Variants in ADAMTS8 observed in about 807,000 individuals in gnomAD.
ADAMTS8 encodes the protein A disintegrin and metalloproteinase with thrombospondin motifs 8.
Under a neutral mutation model 64.4 loss-of-function variants are expected in ADAMTS8, and 50 were observed. The observed-to-expected ratio is 0.78, with a 90% CI of 0.62 to 0.98. The LOEUF (loss-of-function observed/expected upper bound fraction) is 0.98, where lower values mean the gene tolerates loss of function less well. Ranked by LOEUF, ADAMTS8 falls within the 50% of genes least tolerant of loss-of-function variation. The pLI is 0.00. For synonymous variants in ADAMTS8, 556 were observed against 533.6 expected, an observed-to-expected ratio of 1.04 and a Z score of -0.58; for missense variants, 1,192 against 1,208.2, an observed-to-expected ratio of 0.99 and a Z score of 0.20.
In ADAMTS8 at chr11:130,408,480, A is replaced by G. The variant is rs748918566; in HGVS notation, c.2083T>C (p.Ser695Pro). The change falls in exon 8 of 9, where the codon TCC becomes CCC. Residue 695 changes from serine (S) to proline (P), a missense_variant. Ser to Pro is a moderately conservative substitution (Grantham distance 74, BLOSUM62 -1). This residue lies in a region of ADAMTS8 where 290 missense variants were observed against 297.8 expected (regional missense o/e 0.97). Transcript: ENST00000257359. The stretch of plus-strand genomic sequence containing the variant: ...GAGACTCACTTGGTGGGGGTGAGGG[A>G]CCCGGAGACCTTCCTGCAGGAGTTG... Reference protein sequence around the residue: ...KGNSCRKVSGSLTPTNYGYND... With the variant: ...KGNSCRKVSGPLTPTNYGYND... 1.2e-6 allele frequency: 2 copies of G among 1,613,662 alleles called. No homozygotes were observed. The highest frequency in any genetic ancestry group is 2.2e-5 in the South Asian group (2 of 91,050).
At chr11:130,422,288 T>A (rs1354941163) in intron 1 of ADAMTS8, among the ~76,000 whole-genome samples, 1 of 151,850 alleles carries the variant, frequency 6.6e-6, no homozygotes, top group East Asian at 1.9e-4. Flanking sequence ...TAAAAAAAAA[T>A]AACAACACCC....
At chr11:130,415,338 C>G (rs944666916) in intron 4 of ADAMTS8, among the ~76,000 whole-genome samples, 2 of 152,128 alleles carry the variant, frequency 1.3e-5, no homozygotes, top group Admixed American at 1.3e-4. Context: ...AAGTCTAGCT[C>G]TGTTGCCCAG....
At chr11:130,414,157 T>C (rs1240958276) in intron 5 of ADAMTS8, among the ~76,000 whole-genome samples, 2 of 147,576 alleles carry the variant, frequency 1.4e-5, no homozygotes, top group Non-Finnish European at 3.0e-5. Flanking sequence ...AGGGTCTCCC[T>C]CTGTTGCCCA....
At chr11:130,421,452 T>G (rs190985014) in intron 1 of ADAMTS8, among the ~76,000 whole-genome samples, 1 of 152,220 alleles carries the variant, frequency 6.6e-6, no homozygotes, top group Non-Finnish European at 1.5e-5. Context: ...CCATTTAGCT[T>G]CGAGGGGTGG....
chr11:130,428,591 C>G lies in ADAMTS8; in HGVS notation c.-305G>C. On this transcript the variant is annotated 5_prime_UTR_variant, in exon 1 of 9. Transcript: ENST00000257359. ...CCCGCGCAGCCGCCTCCTGCCTCCT[C>G]CCCACCCCGGGAAGCACCGAGTGGG... The G allele has an allele frequency of 3.3e-6, 1 of 299,274 alleles. No homozygotes were observed. 18.5% of individuals were successfully genotyped at this position (299,274 alleles called of 1,614,324 possible).
chr11:130,414,642 C>G lies in ADAMTS8; in HGVS notation c.1455G>C (p.Leu485=). 2 of 1,613,746 alleles carry G rather than the reference C, an allele frequency of 1.2e-6. No homozygotes were observed. The change falls in exon 5 of 9, where the codon CTG becomes CTC. Residue 485 remains leucine (L), a synonymous_variant. Transcript: ENST00000257359. The part of the protein sequence containing the change: ...LWCHTDGAEP[L]CHTKNGSLPW... ...GCAGGCTGCCATTCTTCGTGTGGCA[C>G]AGGGGCTCAGCCCCATCAGTGTGGC...
intron 7 of ADAMTS8, 43 bp downstream of exon 7, chr11:130,408,725 C>T (rs1367548284): frequency 2.5e-6 from 4 of 1,612,538 alleles, no homozygotes; most frequent in Non-Finnish European, 3.4e-6. Context: ...GACAGGCGAC[C>T]TTCCTCCCCA....
Position 130,427,696 on chromosome 11 carries a change from G to A in ADAMTS8, c.591C>T (p.Gly197=). 2 of 1,595,254 alleles carry A rather than the reference G, an allele frequency of 1.3e-6. No homozygotes were observed. The highest frequency in any genetic ancestry group is 1.3e-5 in the African/African-American group (1 of 74,562). The change falls in exon 1 of 9, where the codon GGC becomes GGT. Residue 197 remains glycine, a synonymous_variant. Coordinates refer to ENST00000257359, the MANE Select transcript of ADAMTS8 (RefSeq NM_007037.6). ...CCAGGGGCGGTGGCGGCTCGCTAGCGCCTTCTGCCTCCTCTTCTTGGCTCT... is the reference window on the plus strand; with the variant it reads ...CCAGGGGCGGTGGCGGCTCGCTAGCACCTTCTGCCTCCTCTTCTTGGCTCT... The part of the protein sequence containing the change: ...EEESQEEEAE[G]ASEPPPPLGA...
At chr11:130,423,672 TTTCGG>T (rs1862127854) in intron 1 of ADAMTS8, among the ~76,000 whole-genome samples, 1 of 152,180 alleles carries the variant, frequency 6.6e-6, no homozygotes, top group South Asian at 2.1e-4. Flanking sequence ...GAGCGCCACT[TTTCGG>T]ACCCTCTCTG....
At position 130,428,351 on chromosome 11, in the gene ADAMTS8, G is replaced by A. The variant is rs2134697541; in HGVS notation, c.-65C>T. The A allele has an allele frequency of 1.6e-6, 2 of 1,246,072 alleles. No individual in the cohort carries two copies. Among genetic ancestry groups the A allele is most frequent in the Non-Finnish European group, 1.0e-6 (1 of 983,336 alleles). The allele number at this position is 1,246,072 out of a possible 1,614,324, so 77.2% of individuals were successfully genotyped here. A position where few individuals can be genotyped will look rare whatever the true frequency, so the allele number is the denominator to read the frequency against. On this transcript the variant is annotated 5_prime_UTR_variant, in exon 1 of 9. Coordinates refer to ENST00000257359, the MANE Select transcript of ADAMTS8 (RefSeq NM_007037.6). ...GCCCGCCAGGCGCGGGCAGGTGCTGGCGGCCCGAGCGCGGCCCGGCCGCTC... is the reference window on the plus strand; with the variant it reads ...GCCCGCCAGGCGCGGGCAGGTGCTGACGGCCCGAGCGCGGCCCGGCCGCTC...
intron 1 of ADAMTS8, among the ~76,000 whole-genome samples, chr11:130,420,768 C>G (rs1361123702): frequency 6.6e-6 from 1 of 152,164 alleles, no homozygotes; most frequent in African/African-American, 2.4e-5. Flanking sequence ...AATGTTTAGG[C>G]TGATGTAAAC....
intron 1 of ADAMTS8, among the ~76,000 whole-genome samples, chr11:130,419,779 C>T (rs1448326551): frequency 6.6e-6 from 1 of 152,200 alleles, no homozygotes; most frequent in Non-Finnish European, 1.5e-5. Flanking sequence ...CCACCCGTCC[C>T]CGGCCTCAGC....
At position 130,405,597 on chromosome 11, in the gene ADAMTS8, C is replaced by T. The variant is rs376567515; in HGVS notation, c.2631G>A (p.Glu877=). The change falls in exon 9 of 9, where the codon GAG becomes GAA. Residue 877 remains glutamate, a synonymous_variant. Transcript: ENST00000257359. ...GCTGGCTTTCGCAGGGCTTGGCATC[C>T]TCGGGTTTCAGAGCCTTGTTGCAGG... ...SATCNKALKP[E]DAKPCESQLC... is the part of the protein sequence containing the mutation. 12 of 1,610,614 alleles carry T rather than the reference C, an allele frequency of 7.5e-6. No homozygotes were observed. The highest frequency in any genetic ancestry group is 4.4e-5 in the South Asian group (4 of 90,966).
rs1177631558 is a variant in ADAMTS8 at position 130,414,585 on chromosome 11, C to A, written c.1512G>T (p.Gly504=). 8 of 1,612,856 alleles carry A rather than the reference C, an allele frequency of 5.0e-6. No homozygotes were observed. Among genetic ancestry groups the A allele is most frequent in the Non-Finnish European group, 6.8e-6 (8 of 1,179,616 alleles). ...PWADGTPCGP[G]HLCSEGSCLP... is the part of the protein sequence containing the mutation. ...GACAGCTGCCTTCTGAGCAGAGGTGCCCAGGCCCGCACGGCGTGCCGTCAG... is the reference window on the plus strand; with the variant it reads ...GACAGCTGCCTTCTGAGCAGAGGTGACCAGGCCCGCACGGCGTGCCGTCAG... The change falls in exon 5 of 9, where the codon GGG becomes GGT. Residue 504 remains glycine, a synonymous_variant. Coordinates refer to ENST00000257359, the MANE Select transcript of ADAMTS8 (RefSeq NM_007037.6).
At chr11:130,406,816 G>C (rs1224126008) in intron 8 of ADAMTS8, among the ~76,000 whole-genome samples, 1 of 152,188 alleles carries the variant, frequency 6.6e-6, no homozygotes, top group Non-Finnish European at 1.5e-5. Flanking sequence ...TAGGGCTTTA[G>C]GTAGGATGAA....
At chr11:130,406,162 G>T in intron 8 of ADAMTS8, 34 bp from the exon 9 acceptor site, 1 of 1,576,852 alleles carries the variant, frequency 6.3e-7, no homozygotes. Context: ...CCTTAGACCA[G>T]TGGCTGCCCA....
At position 130,416,451 on chromosome 11, in the gene ADAMTS8, T is replaced by TGTGCGTAGGGCTTTCCC. The variant is rs1172391563; in HGVS notation, c.1097-122_1097-121insGGGAAAGCCCTACGCAC. The TGTGCGTAGGGCTTTCCC allele has an allele frequency of 7.8e-6, 9 of 1,149,234 alleles. No homozygotes were observed. In the African/African-American group the frequency reaches 1.2e-4, roughly 16 times the overall value. 71.2% of individuals were successfully genotyped at this position (1,149,234 alleles called of 1,614,324 possible). On this transcript the variant is annotated intron_variant, in intron 3 of 8. Transcript: ENST00000257359. This position sits in a 1 kb window ranked among gnomAD's most constrained non-coding sequence, Gnocchi z 4.8. ...GCCACCCCCTCACTCTCCGAAGATT[T>TGTGCGTAGGGCTTTCCC]CTGCGTAGGGCTTTCCCCTGCGCTT...
chr11:130,423,392 C>G (rs1439825707), intron 1 of ADAMTS8, among the ~76,000 whole-genome samples: 1 of 152,152 alleles, frequency 6.6e-6, no homozygotes, highest in Non-Finnish European at 1.5e-5. Flanking sequence ...AGCCACAGAG[C>G]AGGGGGGGGC....
In ADAMTS8 at chr11:130,414,842, G is replaced by C. The variant is rs1237149739; in HGVS notation, c.1265-10C>G. 1 of 1,598,734 alleles carries C rather than the reference G, an allele frequency of 6.3e-7. No individual in the cohort carries two copies. Among genetic ancestry groups the C allele is most frequent in the Non-Finnish European group, 8.5e-7 (1 of 1,171,478 alleles). ...TCCAGGAGACAGTCTCCTGGGAAAA[G>C]AGGAAGCAGGGGTGTAAGAACATGC... is the stretch of plus-strand genomic sequence containing the variant. On this transcript the variant is annotated splice_polypyrimidine_tract_variant and intron_variant, in intron 4 of 8. Coordinates refer to ENST00000257359, the MANE Select transcript of ADAMTS8 (RefSeq NM_007037.6).
Sources: allele counts gnomAD v4.1 joint callset (sites outside exome capture counted in the v4.1 genomes callset), GRCh38; gene constraint gnomAD v4.1.1; regional missense constraint gnomAD v4.1.1; non-coding constraint Gnocchi (gnomAD v3.1); transcripts MANE v1.5; gene names NCBI Gene and HGNC (gene_info 2026-07-23, HGNC 2026-07-21).